SORBS2: variants seen among roughly 807,000 people sequenced by gnomAD.
The protein encoded by SORBS2 is sorbin and SH3 domain containing 2.
Under a neutral mutation model 97.7 loss-of-function variants are expected in SORBS2, and 46 were observed. That is an observed-to-expected ratio of 0.47 (90% CI 0.37 to 0.60). The LOEUF is 0.60. Among genes scored for constraint, SORBS2 ranks in the 20% least tolerant of loss-of-function variants. The pLI is 0.00. For synonymous variants in SORBS2, 476 were observed against 473.4 expected, an observed-to-expected ratio of 1.01 and a Z score of -0.07; for missense variants, 1,316 against 1,282.3, an observed-to-expected ratio of 1.03 and a Z score of -0.40.
chr4:185,933,891 G>C (rs1561315013), intron 1 of SORBS2, among the ~76,000 whole-genome samples: 1 of 152,150 alleles, frequency 6.6e-6, no homozygotes, highest in Non-Finnish European at 1.5e-5. Context: ...TTCTTGAAAA[G>C]ATTACAGAGC....
At chr4:185,683,151 G>C (rs899617284) in intron 2 of SORBS2, among the ~76,000 whole-genome samples, 5 of 152,058 alleles carry the variant, frequency 3.3e-5, no homozygotes, top group Non-Finnish European at 2.9e-5. Flanking sequence ...CATATGCCTA[G>C]TGATAGAAAA....
chr4:185,669,162 C>CAGCAG (rs1219739269), intron 4 of SORBS2, among the ~76,000 whole-genome samples: 4 of 152,146 alleles, frequency 2.6e-5, no homozygotes, highest in Non-Finnish European at 5.9e-5. Flanking sequence ...GGGTGAGCTT[C>CAGCAG]AGCAGTGGAA....
At chr4:185,929,530 GTTTT>G (rs367695815) in intron 1 of SORBS2, among the ~76,000 whole-genome samples, 1 of 135,128 alleles carries the variant, frequency 7.4e-6, no homozygotes, top group Non-Finnish European at 1.6e-5. Flanking sequence ...TTTTTGTTGG[GTTTT>G]TTTTTTTTTT....
intron 1 of SORBS2, among the ~76,000 whole-genome samples, chr4:185,855,446 C>T (rs907867196): frequency 1.3e-5 from 2 of 152,094 alleles, no homozygotes; most frequent in African/African-American, 4.8e-5. Flanking sequence ...GCACTTTACA[C>T]CGAGAACACT....
rs140495677 is a variant in SORBS2 at position 185,727,784 on chromosome 4, C to G, written c.-198+47443G>C. On this transcript the variant is annotated intron_variant, in intron 2 of 20. Coordinates refer to the SORBS2 transcript ENST00000284776. ...CATAAATCAAGATAAACAGCTTGTT[C>G]AGAAAAAATAAAGCTTCAGAAAAAT... 1.3e-3 allele frequency among the ~76,000 whole-genome samples: 201 copies of G among 152,244 alleles called. 4 individuals carry two copies. The East Asian group carries it at 0.031, about 24-fold the overall frequency.
At chr4:185,614,721 A>G in intron 11 of SORBS2, 110 bp downstream of exon 23, 1 of 1,330,274 alleles carries the variant, frequency 7.5e-7, no homozygotes, top group Non-Finnish European at 1.0e-6. Context: ...AAACATAAAA[A>G]TGTCTAAAGA....
intron 1 of SORBS2, among the ~76,000 whole-genome samples, chr4:185,805,521 C>T (rs554692982): frequency 6.6e-6 from 1 of 152,176 alleles, no homozygotes; most frequent in African/African-American, 2.4e-5. Context: ...CAAGTTTTCC[C>T]TGTAACTTTT....
At chr4:185,928,586 C>T (rs2099264870) in intron 1 of SORBS2, among the ~76,000 whole-genome samples, 1 of 151,964 alleles carries the variant, frequency 6.6e-6, no homozygotes, top group Non-Finnish European at 1.5e-5. Flanking sequence ...TGCTCTGTTG[C>T]CCAGGCTGGA....
intron 1 of SORBS2, among the ~76,000 whole-genome samples, chr4:185,886,429 C>G (rs1438511216): frequency 4.0e-5 from 6 of 151,540 alleles, no homozygotes; most frequent in Non-Finnish European, 5.9e-5. Flanking sequence ...GTGGCGGTTG[C>G]CTTTAGTCCC....
intron 4 of SORBS2, among the ~76,000 whole-genome samples, chr4:185,635,017 T>G (rs1280559653): frequency 6.6e-6 from 1 of 152,224 alleles, no homozygotes; most frequent in African/African-American, 2.4e-5. Context: ...TCTTGTAGTA[T>G]TTTACTCTGT....
chr4:185,704,815 T>G (rs2153537352), intron 2 of SORBS2, among the ~76,000 whole-genome samples: 1 of 152,316 alleles, frequency 6.6e-6, no homozygotes, highest in South Asian at 2.1e-4. Context: ...GCATGAAAGA[T>G]AAGCATTTCT....
chr4:185,863,970 T>C (rs977293125), intron 1 of SORBS2, among the ~76,000 whole-genome samples: 1 of 152,196 alleles, frequency 6.6e-6, no homozygotes, highest in African/African-American at 2.4e-5. Context: ...GAACACAGAT[T>C]ATTATTTACA....
At chr4:185,752,344 T>C (rs1025547985) in intron 2 of SORBS2, among the ~76,000 whole-genome samples, 56 of 152,248 alleles carry the variant, frequency 3.7e-4, no homozygotes, top group South Asian at 3.5e-3. Context: ...GGCACGATCT[T>C]GGCTCACTGC....
intron 4 of SORBS2, among the ~76,000 whole-genome samples, chr4:185,673,012 C>T (rs895872691): frequency 1.4e-4 from 21 of 152,138 alleles, no homozygotes; most frequent in African/African-American, 3.1e-4. Context: ...GTGGTGTATA[C>T]GCATACTAGG....
intron 4 of SORBS2, among the ~76,000 whole-genome samples, chr4:185,665,289 A>G (rs2097580074): frequency 6.6e-6 from 1 of 152,210 alleles, no homozygotes; most frequent in Non-Finnish European, 1.5e-5. Flanking sequence ...GCAGTCAGTA[A>G]TCATTTATGT....
chr4:185,648,424 T>C (rs1421927843), intron 3 of SORBS2, among the ~76,000 whole-genome samples: 5 of 151,394 alleles, frequency 3.3e-5, no homozygotes, highest in Admixed American at 2.0e-4. Context: ...GAGTCGGAGG[T>C]TGCAGTGAGA....
At chr4:185,878,677 T>C (rs1264417833) in intron 1 of SORBS2, among the ~76,000 whole-genome samples, 1 of 152,166 alleles carries the variant, frequency 6.6e-6, no homozygotes, top group Non-Finnish European at 1.5e-5. Flanking sequence ...GCTGACACTC[T>C]TGCTCTTCTG....
chr4:185,744,005 C>G (rs1456067964), intron 2 of SORBS2, among the ~76,000 whole-genome samples: 1 of 137,920 alleles, frequency 7.3e-6, no homozygotes, highest in Admixed American at 7.5e-5. Context: ...GTCCCCCTCA[C>G]CTTTCCCCTT....
At chr4:185,879,176 C>CCCCCCA (rs1491475757) in intron 1 of SORBS2, among the ~76,000 whole-genome samples, 14 of 85,256 alleles carry the variant, frequency 1.6e-4, no homozygotes, top group African/African-American at 3.2e-4. Context: ...CCCCCCCCCC[C>CCCCCCA]ACCCCACGAC....
Sources: allele counts gnomAD v4.1 joint callset (sites outside exome capture counted in the v4.1 genomes callset), GRCh38; gene constraint gnomAD v4.1.1; transcripts MANE v1.5; gene names NCBI Gene and HGNC (gene_info 2026-07-23, HGNC 2026-07-21).